Variants in TBCD observed in about 807,000 individuals in gnomAD.
The protein encoded by TBCD is tubulin-specific chaperone D.
A neutral mutation model predicts 169.3 loss-of-function variants in TBCD; 105 were observed. That is an observed-to-expected ratio of 0.62 (90% confidence interval 0.53 to 0.73). The LOEUF is 0.73. Ranked by LOEUF, TBCD falls within the 30% of genes least tolerant of loss-of-function variation. The pLI is 0.00. For missense variants in TBCD, 1,444 were observed against 1,600.1 expected (o/e 0.90, Z 1.66); for synonymous variants, 700 against 643.9 (o/e 1.09, Z -1.32).
At chr17:82,867,965 C>A (rs796580826) in intron 13 of TBCD, among the ~76,000 whole-genome samples, 1 of 152,022 alleles carries the variant, frequency 6.6e-6, no homozygotes, top group Non-Finnish European at 1.5e-5. Context: ...AGGTGCTTTG[C>A]GGGAGGGAGT....
chr17:82,908,603 A>G (rs146989121), intron 21 of TBCD, among the ~76,000 whole-genome samples: 31 of 152,316 alleles, frequency 2.0e-4, no homozygotes, highest in African/African-American at 7.2e-4. Context: ...ATTTTGGCAA[A>G]GCCATTTTGT....
Position 82,772,453 on chromosome 17 carries a change from C to A in TBCD, c.584C>A (p.Ser195Tyr), listed in dbSNP as rs549301332. 7 of 1,613,878 alleles carry A rather than the reference C, an allele frequency of 4.3e-6. No individual in the cohort carries two copies. In the South Asian group the frequency reaches 7.7e-5, roughly 18 times the overall value. The change falls in exon 6 of 39, where the codon TCC (serine) becomes TAC (tyrosine). Residue 195 changes from serine to tyrosine, a missense_variant and splice_region_variant. Coordinates refer to ENST00000355528, the MANE Select transcript of TBCD (RefSeq NM_005993.5). ...IMDRILQIAESYLIVSDKARD... is the reference protein window; with the variant it reads ...IMDRILQIAEYYLIVSDKARD... ...TCTGTGCTTCACCCTTTCTTGCAGTCCTACTTGATTGTCAGTGACAAGGCC... is the reference window on the plus strand; with the variant it reads ...TCTGTGCTTCACCCTTTCTTGCAGTACTACTTGATTGTCAGTGACAAGGCC...
chr17:82,937,897 A>T, intron 35 of TBCD, 152 bp from the exon 36 acceptor site: 1 of 1,523,950 alleles, frequency 6.6e-7, no homozygotes, highest in Non-Finnish European at 8.8e-7. Flanking sequence ...AGATGTACGC[A>T]CACACACACC....
At chr17:82,779,987 G>A (rs992662309) in intron 6 of TBCD, among the ~76,000 whole-genome samples, 3 of 152,134 alleles carry the variant, frequency 2.0e-5, no homozygotes, top group Non-Finnish European at 2.9e-5. Context: ...CATCACTGCC[G>A]TCTCCTTCCC....
chr17:82,923,793 A>G lies in TBCD; in HGVS notation c.2260+60A>G, dbSNP rs2061558816. 1.4e-6 allele frequency: 2 copies of G among 1,431,062 alleles called. No homozygotes were observed. Among genetic ancestry groups the G allele is most frequent in the Admixed American group, 2.2e-5 (1 of 45,594 alleles). 88.6% of individuals were successfully genotyped at this position (1,431,062 alleles called of 1,614,324 possible). A position where few individuals can be genotyped will look rare whatever the true frequency, so the allele number is the denominator to read the frequency against. ...GGCTTCCAGCAGGAAGCTGCTGGGGAGTGTCTGGGCACGGAGGAGGCCTCG... is the reference window on the plus strand; with the variant it reads ...GGCTTCCAGCAGGAAGCTGCTGGGGGGTGTCTGGGCACGGAGGAGGCCTCG... On this transcript the variant is annotated intron_variant, in intron 26 of 38. Transcript: ENST00000355528. This position sits in a 1 kb window ranked among gnomAD's most constrained non-coding sequence, Gnocchi z 4.6.
intron 33 of TBCD, 151 bp from the exon 34 acceptor site, chr17:82,932,507 G>A (rs1011225299): frequency 4.1e-5 from 29 of 704,464 alleles, no homozygotes; most frequent in Non-Finnish European, 6.5e-5. Context: ...TTCCACAGTT[G>A]TTTTGTCTTT....
intron 13 of TBCD, among the ~76,000 whole-genome samples, chr17:82,836,251 T>A (rs2053963240): frequency 6.6e-6 from 1 of 152,180 alleles, no homozygotes; most frequent in Admixed American, 6.5e-5. Context: ...GCTCAGTCAG[T>A]GGGGCCTGTG....
intron 24 of TBCD, 21 bp from the exon 25 acceptor site, chr17:82,921,480 G>A (rs752049148): frequency 1.6e-5 from 25 of 1,610,822 alleles, no homozygotes; most frequent in Non-Finnish European, 2.0e-5. Flanking sequence ...GCCTGGGTAC[G>A]CTAACTTGAT....
chr17:82,855,591 T>C (rs11655103), intron 13 of TBCD, among the ~76,000 whole-genome samples: 41,077 of 151,992 alleles, frequency 0.27, 6,101 homozygotes, highest in Admixed American at 0.34. Flanking sequence ...TAAAAAGTCA[T>C]TTCTCTCTTT....
chr17:82,851,223 C>A lies in TBCD; in HGVS notation c.1319-19001C>A, dbSNP rs555875911. On this transcript the variant is annotated intron_variant, in intron 13 of 38. Transcript: ENST00000355528. ...TGATAATTTTTAGTTAGAAGATATA[C>A]AAATGTGTAAATCACATGAGTCAAG... 2.7e-3 allele frequency among the ~76,000 whole-genome samples: 408 copies of A among 151,012 alleles called. 17 individuals carry two copies. The South Asian group carries it at 0.082, about 30-fold the overall frequency.
At chr17:82,931,376 G>A (rs1021639563) in intron 33 of TBCD, among the ~76,000 whole-genome samples, 32 of 152,346 alleles carry the variant, frequency 2.1e-4, no homozygotes, top group African/African-American at 6.7e-4. Context: ...CAGTCAGGAC[G>A]GTGGGCTCCA....
intron 28 of TBCD, 89 bp from the exon 29 acceptor site, chr17:82,927,097 C>A: frequency 6.4e-7 from 1 of 1,567,218 alleles, no homozygotes; most frequent in South Asian, 1.2e-5. Context: ...CGTGTCTTCT[C>A]AGGATCAGGA....
rs1859735341 is a variant in TBCD at position 82,922,403 on chromosome 17, C to A, written c.2178+826C>A. On this transcript the variant is annotated intron_variant, in intron 25 of 38. Coordinates refer to ENST00000355528, the MANE Select transcript of TBCD (RefSeq NM_005993.5). The surrounding 1 kb of genome is among the most constrained non-coding windows in gnomAD (Gnocchi z 4.1). ...ACAAAAACAAAAAAAACCATGGTTA[C>A]CAACGTTGACTAGGTTTTGATATTG... Among the ~76,000 whole-genome samples, 3 of 152,014 alleles carry A rather than the reference C, an allele frequency of 2.0e-5. No individual in the cohort carries two copies. Among genetic ancestry groups the A allele is most frequent in the African/African-American group, 7.3e-5 (3 of 41,376 alleles).
chr17:82,882,185 C>A (rs987789027), intron 14 of TBCD, among the ~76,000 whole-genome samples: 6 of 152,242 alleles, frequency 3.9e-5, no homozygotes, highest in Non-Finnish European at 8.8e-5. Context: ...GCCAGCTGTC[C>A]TGCTCCTCCT....
At chr17:82,816,038 C>G (rs1016411588) in intron 13 of TBCD, among the ~76,000 whole-genome samples, 4 of 152,086 alleles carry the variant, frequency 2.6e-5, no homozygotes, top group African/African-American at 9.7e-5. Flanking sequence ...CCAAAGGAAC[C>G]CTGTGTTTAA....
At chr17:82,899,310 G>A (rs944364084) in intron 17 of TBCD, among the ~76,000 whole-genome samples, 5 of 151,696 alleles carry the variant, frequency 3.3e-5, no homozygotes, top group Non-Finnish European at 5.9e-5. Context: ...CTCCGCTCAC[G>A]TGTCCTCAGC....
At chr17:82,790,146 A>G (rs1265618664) in intron 7 of TBCD, among the ~76,000 whole-genome samples, 1 of 152,038 alleles carries the variant, frequency 6.6e-6, no homozygotes, top group African/African-American at 2.4e-5. Flanking sequence ...CGCCTGGTCC[A>G]GGTGGGAGCC....
chr17:82,763,904 C>T (rs1322687842), intron 2 of TBCD, 61 bp from the exon 3 acceptor site: 20 of 1,427,488 alleles, frequency 1.4e-5, no homozygotes, highest in Admixed American at 3.7e-5. Flanking sequence ...CACACCTGGC[C>T]GGCCTCAATG....
At chr17:82,768,370 G>T in intron 4 of TBCD, 50 bp from the exon 5 acceptor site, 1 of 1,609,136 alleles carries the variant, frequency 6.2e-7, no homozygotes, top group South Asian at 1.1e-5. Context: ...GTGGCCAGTG[G>T]CCTGTGATTT....
Sources: allele counts gnomAD v4.1 joint callset (sites outside exome capture counted in the v4.1 genomes callset), GRCh38; gene constraint gnomAD v4.1.1; non-coding constraint Gnocchi (gnomAD v3.1); transcripts MANE v1.5; gene names NCBI Gene and HGNC (gene_info 2026-07-23, HGNC 2026-07-21).